RGS7BP: variants seen among roughly 807,000 people sequenced by gnomAD.
RGS7BP encodes the protein regulator of G protein signaling 7-binding protein.
A neutral mutation model predicts 31.3 loss-of-function variants in RGS7BP; 9 were observed. The ratio of observed to expected loss-of-function variants is 0.29; its 90% CI spans 0.17 to 0.50. The LOEUF (loss-of-function observed/expected upper bound fraction) is 0.50. RGS7BP is among the 20% of genes least tolerant of loss of function. RGS7BP has a pLI of 0.98. For synonymous variants in RGS7BP, 115 were observed against 120.1 expected (o/e 0.96, Z 0.28); for missense variants, 274 against 322.0 (o/e 0.85, Z 1.14).
At chr5:64,585,522 C>A (rs1251560213) in intron 3 of RGS7BP, among the ~76,000 whole-genome samples, 1 of 151,832 alleles carries the variant, frequency 6.6e-6, no homozygotes. Context: ...GGAAAGGGGT[C>A]TCTAGAGTGG....
intron 2 of RGS7BP, among the ~76,000 whole-genome samples, chr5:64,523,825 C>A (rs1294670326): frequency 6.6e-6 from 1 of 152,166 alleles, no homozygotes; most frequent in East Asian, 1.9e-4. Context: ...GTTCTGAAGT[C>A]AAATTGCTTG....
chr5:64,524,344 T>G (rs1317370490), intron 2 of RGS7BP, among the ~76,000 whole-genome samples: 4 of 152,186 alleles, frequency 2.6e-5, no homozygotes, highest in Non-Finnish European at 5.9e-5. Context: ...TTCCTTTCCC[T>G]CATCCAATAA....
rs1748735204 is a variant in RGS7BP, at chr5:64,507,768, G to T, written c.223G>T (p.Gly75Trp). ...ALYRELVISI[G>W]DVSVSCPSLR... ...GTACCGAGAGCTGGTCATTTCTATTGGGGATGTCTCGGTCAGCTGCCCCTC... is the reference window on the plus strand; with the variant it reads ...GTACCGAGAGCTGGTCATTTCTATTTGGGATGTCTCGGTCAGCTGCCCCTC... The change falls in exon 2 of 6, where the codon GGG becomes TGG. Residue 75 changes from glycine (G) to tryptophan (W), a missense_variant. Transcript: ENST00000334025. The T allele has an allele frequency of 1.9e-6, 3 of 1,613,748 alleles. No individual in the cohort carries two copies. Among genetic ancestry groups the T allele is most frequent in the Non-Finnish European group, 2.5e-6 (3 of 1,179,924 alleles).
chr5:64,530,199 A>G (rs1022640300), intron 2 of RGS7BP, among the ~76,000 whole-genome samples: 6 of 152,210 alleles, frequency 3.9e-5, no homozygotes, highest in African/African-American at 1.4e-4. Context: ...CATCTTTACA[A>G]CATACTTTAA....
intron 2 of RGS7BP, among the ~76,000 whole-genome samples, chr5:64,553,171 CTTTTT>C (rs542252038): frequency 1.7e-5 from 2 of 118,236 alleles, no homozygotes; most frequent in Non-Finnish European, 3.3e-5. Flanking sequence ...TTCTTTCTTT[CTTTTT>C]TTTTTTTTTT....
intron 2 of RGS7BP, among the ~76,000 whole-genome samples, chr5:64,569,071 A>G (rs1742242190): frequency 6.6e-6 from 1 of 152,140 alleles, no homozygotes; most frequent in Admixed American, 6.5e-5. Flanking sequence ...ATTCCATTGC[A>G]CTTCAGGTTC....
At chr5:64,514,070 G>T (rs1323375468) in intron 2 of RGS7BP, among the ~76,000 whole-genome samples, 1 of 152,152 alleles carries the variant, frequency 6.6e-6, no homozygotes, top group Non-Finnish European at 1.5e-5. Context: ...TCTAGCTTCT[G>T]GTGGCTTGCT....
At chr5:64,580,010 T>C (rs1742546612) in intron 3 of RGS7BP, among the ~76,000 whole-genome samples, 1 of 152,200 alleles carries the variant, frequency 6.6e-6, no homozygotes, top group Non-Finnish European at 1.5e-5. Context: ...GCAACCTGTC[T>C]GCCCAGGAAC....
At chr5:64,551,686 A>G (rs1741800138) in intron 2 of RGS7BP, among the ~76,000 whole-genome samples, 1 of 150,280 alleles carries the variant, frequency 6.7e-6, no homozygotes, top group Admixed American at 6.6e-5. Context: ...GGCCGTTTTT[A>G]GGTCTGGAAA....
At chr5:64,552,016 T>C (rs1203138090) in intron 2 of RGS7BP, among the ~76,000 whole-genome samples, 1 of 152,220 alleles carries the variant, frequency 6.6e-6, no homozygotes, top group East Asian at 1.9e-4. Flanking sequence ...TTAGAATTTG[T>C]ATTAGAAGCT....
In RGS7BP at chr5:64,506,809, CTT is replaced by C. The variant is rs36025131; in HGVS notation, c.165+34_165+35del. The C allele has an allele frequency of 8.0e-3, 10,330 of 1,297,650 alleles. No homozygotes were observed. The highest frequency in any genetic ancestry group is 0.015 in the East Asian group (556 of 37,644). 80.4% of individuals were successfully genotyped at this position (1,297,650 alleles called of 1,614,324 possible). A position where few individuals can be genotyped will look rare whatever the true frequency, so the allele number is the denominator to read the frequency against. On this transcript the variant is annotated intron_variant, in intron 1 of 5. Transcript: ENST00000334025. This position sits in a 1 kb window ranked among gnomAD's most constrained non-coding sequence, Gnocchi z 4.6. The stretch of plus-strand genomic sequence containing the variant: ...AAGATGGTGGGTGAAAACTGCGCCT[CTT>C]TTTTTTTTTTTTTAATTGAGAGGGG...
At chr5:64,575,977 A>G in intron 3 of RGS7BP, 73 bp downstream of exon 3, 1 of 1,356,210 alleles carries the variant, frequency 7.4e-7, no homozygotes, top group African/African-American at 1.5e-5. Flanking sequence ...AAGTGTCCGT[A>G]TATACCATAT....
chr5:64,530,754 G>T, intron 2 of RGS7BP, among the ~76,000 whole-genome samples: 1 of 151,580 alleles, frequency 6.6e-6, no homozygotes, highest in East Asian at 1.9e-4. Context: ...GTGTCAGTAG[G>T]GTTTTTTCTT....
In RGS7BP at chr5:64,579,341, C is replaced by T. The variant is rs1742522424; in HGVS notation, c.463+3437C>T. 8.6e-5 allele frequency among the ~76,000 whole-genome samples: 13 copies of T among 151,786 alleles called. No homozygotes were observed. In the South Asian group the frequency reaches 2.7e-3, roughly 32 times the overall value. ...TGGGCGGATCACGAGGTCAGGAGTT[C>T]AAGACCAGCCTGACCAACATGGTGA... On this transcript the variant is annotated intron_variant, in intron 3 of 5. Coordinates refer to ENST00000334025, the MANE Select transcript of RGS7BP (RefSeq NM_001029875.3).
intron 2 of RGS7BP, among the ~76,000 whole-genome samples, chr5:64,528,490 C>T (rs914983200): frequency 6.6e-6 from 1 of 152,052 alleles, no homozygotes; most frequent in African/African-American, 2.4e-5. Context: ...AGAATTATCC[C>T]CTGTGAGCCT....
rs1397685086 is a variant in RGS7BP, at chr5:64,542,747, T to C, written c.333-33027T>C. On this transcript the variant is annotated intron_variant, in intron 2 of 5. Coordinates refer to ENST00000334025, the MANE Select transcript of RGS7BP (RefSeq NM_001029875.3). ...TTACATCTCATCCAGCCCAATGAAT[T>C]GAATAATCTGAGCTCTATGTCTAGA... Among the ~76,000 whole-genome samples, 4 of 152,200 alleles carry C rather than the reference T, an allele frequency of 2.6e-5. No individual in the cohort carries two copies. The South Asian group carries it at 8.3e-4, about 31-fold the overall frequency.
rs146802084 is a variant in RGS7BP, at chr5:64,590,604, T to C, written c.464-4106T>C. Among the ~76,000 whole-genome samples the C allele has an allele frequency of 5.8e-3, 890 of 152,290 alleles. 7 individuals are homozygous for C. The highest frequency in any genetic ancestry group is 0.017 in the African/African-American group (724 of 41,578). On this transcript the variant is annotated intron_variant, in intron 3 of 5. Transcript: ENST00000334025. Reference sequence around the variant, plus strand: ...ACAATACTTAAAAAATAATCAATGATTCATGCTTTAATAAAAGTCAAAGTC... The same window carrying C: ...ACAATACTTAAAAAATAATCAATGACTCATGCTTTAATAAAAGTCAAAGTC...
At chr5:64,560,519 A>G (rs1051569864) in intron 2 of RGS7BP, among the ~76,000 whole-genome samples, 1 of 146,894 alleles carries the variant, frequency 6.8e-6, no homozygotes, top group East Asian at 2.0e-4. Context: ...GTATTTAAAA[A>G]TATGTCTAAT....
At chr5:64,525,649 C>G (rs1287392864) in intron 2 of RGS7BP, among the ~76,000 whole-genome samples, 1 of 152,170 alleles carries the variant, frequency 6.6e-6, no homozygotes, top group Non-Finnish European at 1.5e-5. Flanking sequence ...GGTGAGGTGA[C>G]TTGCCTTAGT....
Sources: allele counts gnomAD v4.1 joint callset (sites outside exome capture counted in the v4.1 genomes callset), GRCh38; gene constraint gnomAD v4.1.1; non-coding constraint Gnocchi (gnomAD v3.1); transcripts MANE v1.5; gene names NCBI Gene and HGNC (gene_info 2026-07-23, HGNC 2026-07-21).